Variants in RP1 observed in about 807,000 individuals in gnomAD.
RP1 encodes the protein RP1 axonemal microtubule associated, also known as oxygen-regulated protein 1.
In RP1, 16 loss-of-function variants were observed where a neutral mutation model predicts 14.8. The ratio of observed to expected loss-of-function variants is 1.08; its 90% CI spans 0.73 to 1.65. The LOEUF is 1.65. Ranked by LOEUF, RP1 falls within the 40% of genes most tolerant of loss-of-function variation. The probability of loss-of-function intolerance (pLI) is 0.00; values close to 1 mark genes in which losing one functional copy is unlikely to be tolerated. For missense variants in RP1, 2,631 were observed against 2,535.0 expected (o/e 1.04, Z -0.81); for synonymous variants, 876 against 883.6 (o/e 0.99, Z 0.15).
At position 54,629,103 on chromosome 8, in the gene RP1, A is replaced by T. The variant is rs757085666; in HGVS notation, c.5221A>T (p.Ile1741Phe). ...CACAGACATAGAGGAAGGAGTACTG[A>T]TTGACAAAGGCAAATGGCTTCTGAA... ...ILTDIEEGVLIDKGKWLLKEN... is the reference protein window; with the variant it reads ...ILTDIEEGVLFDKGKWLLKEN... Residue 1741 changes from isoleucine (I) to phenylalanine (F), a missense_variant, in exon 4 of 4, where the codon ATT becomes TTT. Coordinates refer to ENST00000220676, the MANE Select transcript of RP1 (RefSeq NM_006269.2). 3.7e-6 allele frequency: 6 copies of T among 1,614,056 alleles called. No individual in the cohort carries two copies. The East Asian group carries it at 6.7e-5, about 18-fold the overall frequency.
intron 24 of RP1, among the ~76,000 whole-genome samples, chr8:54,823,854 T>C (rs553906720): frequency 1.3e-5 from 2 of 152,332 alleles, no homozygotes; most frequent in East Asian, 1.9e-4. Flanking sequence ...TAGTGTATTA[T>C]GGAAACTGTC....
chr8:54,602,003 A>C lies in RP1; in HGVS notation c.-12-18952A>C, dbSNP rs544654560. Among the ~76,000 whole-genome samples, 3 of 152,300 alleles carry C rather than the reference A, an allele frequency of 2.0e-5. No individual in the cohort carries two copies. In the East Asian group the frequency reaches 5.8e-4, roughly 29 times the overall value. ...AAACTTAGATCATTGTAATCTTGGAACAACTCTGAATATTCTACAAATCAC... is the reference window on the plus strand; with the variant it reads ...AAACTTAGATCATTGTAATCTTGGACCAACTCTGAATATTCTACAAATCAC... On this transcript the variant is annotated intron_variant, in intron 1 of 22. Coordinates refer to the RP1 transcript ENST00000636932.
At chr8:54,791,847 C>G (rs528608357) in intron 24 of RP1, among the ~76,000 whole-genome samples, 1 of 151,840 alleles carries the variant, frequency 6.6e-6, no homozygotes, top group Non-Finnish European at 1.5e-5. Context: ...GGCAAAGATA[C>G]GTTTTTAATT....
chr8:54,844,249 C>G (rs1811861561), intron 25 of RP1, among the ~76,000 whole-genome samples: 3 of 152,098 alleles, frequency 2.0e-5, no homozygotes, highest in African/African-American at 7.2e-5. Flanking sequence ...AAATTGAGGA[C>G]CTAGATAAAT....
chr8:54,668,656 T>C (rs558521156), intron 7 of RP1, among the ~76,000 whole-genome samples: 1 of 152,286 alleles, frequency 6.6e-6, no homozygotes, highest in African/African-American at 2.4e-5. Context: ...CAAAACAGCA[T>C]GGTACTGGTA....
intron 1 of RP1, among the ~76,000 whole-genome samples, chr8:54,577,108 C>T (rs778254362): frequency 8.5e-5 from 13 of 152,194 alleles, no homozygotes; most frequent in East Asian, 1.9e-4. Flanking sequence ...CTCTGCTTCC[C>T]GGGTTCAAGT....
chr8:54,680,492 A>C (rs931325551), intron 12 of RP1, among the ~76,000 whole-genome samples: 4 of 152,318 alleles, frequency 2.6e-5, no homozygotes, highest in Admixed American at 1.3e-4. Flanking sequence ...CATTATTTAA[A>C]CAATATTTGC....
At chr8:54,777,615 T>C (rs969514069) in intron 23 of RP1, among the ~76,000 whole-genome samples, 1 of 152,164 alleles carries the variant, frequency 6.6e-6, no homozygotes, top group Non-Finnish European at 1.5e-5. Flanking sequence ...ATTTGTCTCC[T>C]GAAAGAATAA....
intron 12 of RP1, among the ~76,000 whole-genome samples, chr8:54,693,439 C>T (rs1052979757): frequency 6.6e-6 from 1 of 152,078 alleles, no homozygotes; most frequent in Non-Finnish European, 1.5e-5. Flanking sequence ...ATTGATTCTT[C>T]CTACCCATGA....
Position 54,630,047 on chromosome 8 carries a change from C to T in RP1, c.6165C>T (p.Ser2055=), listed in dbSNP as rs145661075. 2.7e-5 allele frequency: 44 copies of T among 1,613,900 alleles called. No homozygotes were observed. In the East Asian group the frequency reaches 4.9e-4, roughly 18 times the overall value. The change falls in exon 4 of 4, where the codon AGC becomes AGT. Residue 2055 remains serine, a synonymous_variant. Coordinates refer to ENST00000220676, the MANE Select transcript of RP1 (RefSeq NM_006269.2). ...TGGATTCAAATACACAAGACCTCAG[C>T]GGTCAGACAAATGAAATCTTTAAAG... ...GNVDSNTQDL[S]GQTNEIFKAV... is the part of the protein sequence containing the mutation.
At chr8:54,787,715 G>T (rs968297000) in intron 24 of RP1, among the ~76,000 whole-genome samples, 9 of 152,136 alleles carry the variant, frequency 5.9e-5, no homozygotes, top group Non-Finnish European at 1.5e-5. Flanking sequence ...TAATTTTGTA[G>T]ATGAAAAGGT....
chr8:54,629,057 A>G lies in RP1; in HGVS notation c.5175A>G (p.Gln1725=), dbSNP rs441800. The change falls in exon 4 of 4, where the codon CAA becomes CAG. Residue 1725 remains glutamine, a synonymous_variant. Transcript: ENST00000220676. ...RGDIVEPGTK[Q]NDDSRILTDI... ...ACATTGTAGAACCTGGTACAAAACA[A>G]AATGATGATAGCAGAATCCTCACAG... 0.25 allele frequency: 405,915 copies of G among 1,613,962 alleles called. 53,549 individuals carry two copies. The highest frequency in any genetic ancestry group is 0.41 in the East Asian group (18,274 of 44,872).
intron 15 of RP1, among the ~76,000 whole-genome samples, chr8:54,714,590 G>A (rs899839210): frequency 2.0e-5 from 3 of 152,116 alleles, no homozygotes; most frequent in Non-Finnish European, 4.4e-5. Flanking sequence ...CCAATCAGCA[G>A]CATTCCCCAC....
intron 1 of RP1, among the ~76,000 whole-genome samples, chr8:54,599,750 G>A (rs1379514609): frequency 1.3e-5 from 2 of 152,286 alleles, no homozygotes; most frequent in African/African-American, 2.4e-5. Context: ...TGCCTGGCCT[G>A]ACTGAATGTC....
At chr8:54,745,817 A>AT (rs1809211032) in intron 19 of RP1, among the ~76,000 whole-genome samples, 3 of 152,088 alleles carry the variant, frequency 2.0e-5, no homozygotes, top group Admixed American at 6.6e-5. Flanking sequence ...TTGAAGCTTA[A>AT]TATCAGTGCA....
chr8:54,566,495 G>A (rs1804411165), intron 1 of RP1, among the ~76,000 whole-genome samples: 1 of 152,174 alleles, frequency 6.6e-6, no homozygotes, highest in Admixed American at 6.5e-5. Flanking sequence ...ACAGGGTAAA[G>A]CCCCGCCCCT....
chr8:54,853,044 C>T (rs941297228), intron 26 of RP1, among the ~76,000 whole-genome samples: 4 of 152,144 alleles, frequency 2.6e-5, no homozygotes, highest in African/African-American at 9.7e-5. Context: ...GACAGAGCTA[C>T]CCAGGCGTTT....
At chr8:54,582,129 G>T (rs1367685566) in intron 1 of RP1, among the ~76,000 whole-genome samples, 5 of 152,094 alleles carry the variant, frequency 3.3e-5, no homozygotes, top group African/African-American at 4.8e-5. Flanking sequence ...GGTTTTTATG[G>T]TTTTAGGTCT....
At chr8:54,607,621 G>A (rs1414359061) in intron 1 of RP1, among the ~76,000 whole-genome samples, 2 of 152,152 alleles carry the variant, frequency 1.3e-5, no homozygotes, top group Non-Finnish European at 2.9e-5. Flanking sequence ...CCTTTTATTT[G>A]GCTATGCCCT....
Sources: allele counts gnomAD v4.1 joint callset (sites outside exome capture counted in the v4.1 genomes callset), GRCh38; gene constraint gnomAD v4.1.1; transcripts MANE v1.5; gene names NCBI Gene and HGNC (gene_info 2026-07-23, HGNC 2026-07-21).